SYT7: variants seen among roughly 807,000 people sequenced by gnomAD.
SYT7 encodes synaptotagmin-7.
Under a neutral mutation model 75.1 loss-of-function variants are expected in SYT7, and 29 were observed. That is an observed-to-expected ratio of 0.39 (90% CI 0.29 to 0.53). SYT7 has a LOEUF of 0.53. SYT7 is among the 20% of genes least tolerant of loss of function. SYT7 has a pLI of 0.77. For synonymous variants in SYT7, 376 were observed against 401.7 expected (o/e 0.94, Z 0.76); for missense variants, 693 against 953.2 (o/e 0.73, Z 3.59).
chr11:61,520,151 A>G (rs1478487274), intron 12 of SYT7, among the ~76,000 whole-genome samples: 1 of 142,656 alleles, frequency 7.0e-6, no homozygotes, highest in Non-Finnish European at 1.6e-5. Flanking sequence ...TGGCCTCCCA[A>G]AGTGCTGGGA....
chr11:61,541,137 A>G (rs779012419), intron 6 of SYT7: 20 of 985,378 alleles, frequency 2.0e-5, no homozygotes, highest in Non-Finnish European at 2.3e-5. Flanking sequence ...GAGGAGAGAC[A>G]GGATGCTCCG....
intron 6 of SYT7, chr11:61,540,859 A>G: frequency 1.0e-6 from 1 of 985,480 alleles, no homozygotes; most frequent in Non-Finnish European, 1.2e-6. Flanking sequence ...CTCTGTCCCA[A>G]AACAAACCGC....
At chr11:61,531,203 A>T (rs1019601973) in intron 8 of SYT7, 2 of 918,188 alleles carry the variant, frequency 2.2e-6, no homozygotes, top group African/African-American at 3.6e-5. Context: ...GTGCAATTAG[A>T]CTCTGCCCTC....
chr11:61,543,217 C>T (rs1447264268), intron 5 of SYT7, among the ~76,000 whole-genome samples: 1 of 152,196 alleles, frequency 6.6e-6, no homozygotes, highest in Non-Finnish European at 1.5e-5. Context: ...GATCTTTGCC[C>T]TCTTTTCAGG....
At position 61,546,488 on chromosome 11, in the gene SYT7, GAGGA is replaced by G; in HGVS notation, c.348-237_348-234del. 1.9e-6 allele frequency: 1 copy of G among 538,882 alleles called. No homozygotes were observed. The highest frequency in any genetic ancestry group is 1.9e-5 in the South Asian group (1 of 51,840). The allele number at this position is 538,882 out of a possible 1,614,324, so 33.4% of individuals were successfully genotyped here. A position where few individuals can be genotyped will look rare whatever the true frequency, so the allele number is the denominator to read the frequency against. ...AAATGGGTTAACAGCGGAGCCTGCA[GAGGA>G]GAGAGGGGGACCGGGCGGGCTGGGG... On this transcript the variant is annotated intron_variant, in intron 4 of 12. Transcript: ENST00000539008. This position sits in a 1 kb window ranked among gnomAD's most constrained non-coding sequence, Gnocchi z 7.6.
rs1460263902 is a variant in SYT7, at chr11:61,576,950, C to A, written c.31+3840G>T. On this transcript the variant is annotated intron_variant, in intron 1 of 12. Transcript: ENST00000539008. This position sits in a 1 kb window ranked among gnomAD's most constrained non-coding sequence, Gnocchi z 4.1. ...TGCTCACCCAGCACCCACCTATTGA[C>A]CTGCCTTCCAGCTGTCCCCTTACCT... Among the ~76,000 whole-genome samples the A allele has an allele frequency of 2.6e-5, 4 of 152,144 alleles. No individual in the cohort carries two copies. Among genetic ancestry groups the A allele is most frequent in the Non-Finnish European group, 5.9e-5 (4 of 68,010 alleles).
At chr11:61,556,351 G>T in intron 1 of SYT7, 144 bp from the exon 2 acceptor site, 1 of 635,648 alleles carries the variant, frequency 1.6e-6, no homozygotes, top group Non-Finnish European at 2.7e-6. Context: ...TCCCAGTTCT[G>T]CCTTGCTGGA....
At position 61,517,623 on chromosome 11, in the gene SYT7, C is replaced by T; in HGVS notation, c.*1004G>A. 5.0e-6 allele frequency: 2 copies of T among 398,752 alleles called. No homozygotes were observed. The highest frequency in any genetic ancestry group is 3.6e-5 in the East Asian group (1 of 28,064). The allele number at this position is 398,752 out of a possible 1,614,324, so 24.7% of individuals were successfully genotyped here. ...ATGGAGAATAGGGCAGATGTGGCTG[C>T]GTATGAGGTGTGGGAAGCTGGCGGG... On this transcript the variant is annotated 3_prime_UTR_variant, in exon 13 of 13. Transcript: ENST00000539008.
chr11:61,578,131 G>A (rs1161076516), intron 1 of SYT7, among the ~76,000 whole-genome samples: 3 of 152,186 alleles, frequency 2.0e-5, no homozygotes, highest in African/African-American at 4.8e-5. Flanking sequence ...GGGCTGGTCT[G>A]GGTTCTTCAC....
At chr11:61,547,151 T>G in intron 4 of SYT7, 26 bp downstream of exon 4, 1 of 1,534,280 alleles carries the variant, frequency 6.5e-7, no homozygotes. Flanking sequence ...TCGGTACATA[T>G]GATCAAACCA....
rs1337842401 is a variant in SYT7 at position 61,546,972 on chromosome 11, C to T, written c.347+205G>A. Among the ~76,000 whole-genome samples the T allele has an allele frequency of 1.3e-5, 2 of 151,722 alleles. No homozygotes were observed. Among genetic ancestry groups the T allele is most frequent in the African/African-American group, 2.4e-5 (1 of 41,358 alleles). On this transcript the variant is annotated intron_variant, in intron 4 of 12. Coordinates refer to ENST00000539008, the MANE Select transcript of SYT7 (RefSeq NM_001365809.2). This position sits in a 1 kb window ranked among gnomAD's most constrained non-coding sequence, Gnocchi z 7.6. Reference sequence around the variant, plus strand: ...CTGGCCCTGGGGGAGGGGACGGGAGCGGGCAGGCAGGTGGGTTGGGGCAGG... The same window carrying T: ...CTGGCCCTGGGGGAGGGGACGGGAGTGGGCAGGCAGGTGGGTTGGGGCAGG...
intron 7 of SYT7, among the ~76,000 whole-genome samples, chr11:61,536,822 AG>A (rs1398887466): frequency 6.6e-6 from 1 of 152,162 alleles, no homozygotes; most frequent in African/African-American, 2.4e-5. Context: ...CCACAAGCCC[AG>A]GGCAGCAGCC....
chr11:61,539,903 A>G (rs1010763448), intron 6 of SYT7: 44 of 151,234 alleles, frequency 2.9e-4, no homozygotes, highest in African/African-American at 1.1e-3. Context: ...ACAACTCTAT[A>G]CCCTCCCTCA....
intron 8 of SYT7, among the ~76,000 whole-genome samples, chr11:61,532,733 C>T (rs889316884): frequency 3.3e-5 from 5 of 152,196 alleles, no homozygotes; most frequent in African/African-American, 1.2e-4. Flanking sequence ...CTTATTTTCA[C>T]TTGTCAAAGG....
At chr11:61,519,491 A>T (rs1396459511) in intron 12 of SYT7, among the ~76,000 whole-genome samples, 1 of 152,222 alleles carries the variant, frequency 6.6e-6, no homozygotes, top group Admixed American at 6.5e-5. Flanking sequence ...GACCGTTAAG[A>T]TCATAGAGAA....
chr11:61,530,715 G>A, intron 8 of SYT7: 2 of 855,232 alleles, frequency 2.3e-6, no homozygotes, highest in Non-Finnish European at 2.8e-6. Flanking sequence ...CTTGGCTCCT[G>A]GCTGCCAAAC....
At chr11:61,528,248 G>A (rs1046329433) in intron 8 of SYT7, 63 bp from the exon 9 acceptor site, 30 of 1,570,606 alleles carry the variant, frequency 1.9e-5, no homozygotes, top group African/African-American at 2.7e-5. Context: ...TGTCCCCACC[G>A]CTGGCTAGCA....
rs1387279472 is a variant in SYT7 at position 61,546,591 on chromosome 11, G to C, written c.348-336C>G. 2.1e-6 allele frequency: 1 copy of C among 481,092 alleles called. No individual in the cohort carries two copies. The highest frequency in any genetic ancestry group is 4.1e-6 in the Non-Finnish European group (1 of 245,326). The allele number at this position is 481,092 out of a possible 1,614,324, so 29.8% of individuals were successfully genotyped here. ...GCCTGGGGCAGGGGCGGCGGGGGTT[G>C]GGGGAGGGCAGCCACCTCCAACTCT... On this transcript the variant is annotated intron_variant, in intron 4 of 12. Transcript: ENST00000539008. The surrounding 1 kb of genome is among the most constrained non-coding windows in gnomAD (Gnocchi z 7.6).
chr11:61,542,164 G>T lies in SYT7; in HGVS notation c.941+47C>A. The T allele has an allele frequency of 6.6e-7, 1 of 1,511,914 alleles. No individual in the cohort carries two copies. Among genetic ancestry groups the T allele is most frequent in the Non-Finnish European group, 8.8e-7 (1 of 1,135,582 alleles). The allele number at this position is 1,511,914 out of a possible 1,614,324, so 93.7% of individuals were successfully genotyped here. The stretch of plus-strand genomic sequence containing the variant: ...CCCAAGGAGATCTGGGGGGCAGGAG[G>T]CTGGGTCAGGGAGGTGGGGGCCGGC... On this transcript the variant is annotated intron_variant, in intron 6 of 12. Transcript: ENST00000539008. This position sits in a 1 kb window ranked among gnomAD's most constrained non-coding sequence, Gnocchi z 7.8.
Sources: gnomAD v4.1 joint callset for allele counts (sites outside exome capture counted in the v4.1 genomes callset) on GRCh38, gnomAD v4.1.1 for gene constraint, Gnocchi (gnomAD v3.1) non-coding constraint, MANE v1.5 for transcripts, NCBI Gene and HGNC (gene_info 2026-07-23, HGNC 2026-07-21) for gene names.